TAOK1: variants seen among roughly 807,000 people sequenced by gnomAD.
TAOK1 encodes TAO kinase 1.
A neutral mutation model predicts 138.3 loss-of-function variants in TAOK1; 21 were observed. The ratio of observed to expected loss-of-function variants is 0.15; its 90% CI spans 0.11 to 0.22. TAOK1 has a LOEUF of 0.22. TAOK1 is among the 10% of genes least tolerant of loss of function. The pLI is 1.00. For missense variants in TAOK1, 651 were observed against 1,227.7 expected (o/e 0.53, Z 7.02); for synonymous variants, 361 against 398.4 (o/e 0.91, Z 1.12).
chr17:29,480,324 T>C (rs376345627), intron 6 of TAOK1, 44 bp from the exon 7 acceptor site: 53 of 1,386,972 alleles, frequency 3.8e-5, no homozygotes, highest in Non-Finnish European at 4.9e-5. Flanking sequence ...AAACATAATC[T>C]ATTGAGGGAA....
chr17:29,393,647 C>G (rs1004691592), intron 1 of TAOK1, among the ~76,000 whole-genome samples: 1 of 152,204 alleles, frequency 6.6e-6, no homozygotes, highest in African/African-American at 2.4e-5. Flanking sequence ...ACAACTGGCT[C>G]TTTCACTGGA....
intron 1 of TAOK1, among the ~76,000 whole-genome samples, chr17:29,407,024 C>CT (rs1007284054): frequency 9.9e-5 from 15 of 152,112 alleles, no homozygotes; most frequent in Non-Finnish European, 1.6e-4. Flanking sequence ...ACAGTTCTTT[C>CT]TTTTTTTAGA....
chr17:29,514,954 G>C (rs1385453071), intron 15 of TAOK1: 1 of 144,772 alleles, frequency 6.9e-6, no homozygotes, highest in African/African-American at 2.6e-5. Context: ...AGCTGAATTC[G>C]TGCCAGTGCA....
At chr17:29,480,546 A>G in intron 7 of TAOK1, 65 bp downstream of exon 7, 2 of 1,365,842 alleles carry the variant, frequency 1.5e-6, no homozygotes, top group East Asian at 2.4e-5. Context: ...ATGAAATACA[A>G]ATGAAGTGTA....
At chr17:29,504,761 T>C (rs2031601437) in intron 13 of TAOK1, among the ~76,000 whole-genome samples, 1 of 152,162 alleles carries the variant, frequency 6.6e-6, no homozygotes, top group Non-Finnish European at 1.5e-5. Context: ...AATAAGCAGA[T>C]GTTGTAAATC....
At chr17:29,482,418 A>G (rs2031083084) in intron 8 of TAOK1, 130 bp downstream of exon 8, 9 of 725,614 alleles carry the variant, frequency 1.2e-5, no homozygotes, top group Admixed American at 3.0e-5. Context: ...TACATTTATT[A>G]AGGTTTTCAC....
At position 29,461,751 on chromosome 17, in the gene TAOK1, T is replaced by A. The variant is rs540122652; in HGVS notation, c.133-5394T>A. Among the ~76,000 whole-genome samples, 21 of 94,552 alleles carry A rather than the reference T, an allele frequency of 2.2e-4. No homozygotes were observed. In the South Asian group the frequency reaches 8.2e-3, roughly 37 times the overall value. The allele number at this position is 94,552 out of a possible 152,430, so 62.0% of individuals were successfully genotyped here. On this transcript the variant is annotated intron_variant, in intron 2 of 19. Coordinates refer to ENST00000261716, the MANE Select transcript of TAOK1 (RefSeq NM_020791.4). ...GTGTAATGAAATGTAGAGAGCGAAA[T>A]TTTTTTTTTTTTTAATGCTGATTTA...
chr17:29,532,388 T>C (rs1171902841), intron 18 of TAOK1, among the ~76,000 whole-genome samples: 15 of 151,060 alleles, frequency 9.9e-5, no homozygotes, highest in Admixed American at 2.6e-4. Context: ...TGGGTGTTTC[T>C]CGCAGAGGGG....
intron 1 of TAOK1, among the ~76,000 whole-genome samples, chr17:29,450,700 G>T (rs7208216): frequency 7.1e-4 from 108 of 152,198 alleles, no homozygotes; most frequent in African/African-American, 2.5e-3. Context: ...TATTTTTGTA[G>T]AGGCAGGGTC....
Position 29,475,788 on chromosome 17 carries a change from C to T in TAOK1, c.306+17C>T, listed in dbSNP as rs1439858260. ...ACAGCATGGGTTGGTATTTGTTCTC[C>T]CCTTGTTGCAGTTTTAGCTGATTTT... On this transcript the variant is annotated intron_variant, in intron 4 of 19. Coordinates refer to ENST00000261716, the MANE Select transcript of TAOK1 (RefSeq NM_020791.4). The T allele has an allele frequency of 1.9e-6, 3 of 1,582,814 alleles. No homozygotes were observed. The highest frequency in any genetic ancestry group is 2.6e-6 in the Non-Finnish European group (3 of 1,153,544).
At chr17:29,542,153 A>C (rs1483909354) in intron 19 of TAOK1, among the ~76,000 whole-genome samples, 1 of 152,190 alleles carries the variant, frequency 6.6e-6, no homozygotes, top group Non-Finnish European at 1.5e-5. Context: ...CTGGGACTAC[A>C]GGCGTGAGCC....
chr17:29,532,553 G>A (rs913207945), intron 18 of TAOK1, among the ~76,000 whole-genome samples: 5 of 151,950 alleles, frequency 3.3e-5, no homozygotes, highest in Admixed American at 2.6e-4. Flanking sequence ...GACTCTTAAC[G>A]AGCATGCTGC....
intron 1 of TAOK1, among the ~76,000 whole-genome samples, chr17:29,430,723 TGA>T (rs1485901566): frequency 1.3e-5 from 2 of 152,218 alleles, no homozygotes; most frequent in Non-Finnish European, 2.9e-5. Flanking sequence ...CATCTTCCTC[TGA>T]GAGACATGAT....
chr17:29,514,531 A>G (rs1278050515), intron 15 of TAOK1: 2 of 152,012 alleles, frequency 1.3e-5, no homozygotes, highest in African/African-American at 4.8e-5. Context: ...AGCTAATTTT[A>G]TAATTTATTT....
rs9907443 is a variant in TAOK1, at chr17:29,516,674, T to G, written c.1705-779T>G. On this transcript the variant is annotated intron_variant, in intron 15 of 19. Transcript: ENST00000261716. ...GCACCACCATGTCTGGCTAATTTTG[T>G]ATTTTTGGTAGAGGCCGGGTTTCTC... Among the ~76,000 whole-genome samples, 417 of 151,646 alleles carry G rather than the reference T, an allele frequency of 2.7e-3. 1 individual carries two copies. The highest frequency in any genetic ancestry group is 9.8e-3 in the African/African-American group (404 of 41,330).
intron 8 of TAOK1, among the ~76,000 whole-genome samples, chr17:29,489,017 TC>T (rs1461486825): frequency 1.3e-5 from 2 of 152,180 alleles, no homozygotes; most frequent in African/African-American, 2.4e-5. Context: ...TATTGGGACA[TC>T]TGAATGAAAC....
chr17:29,502,665 G>A lies in TAOK1; in HGVS notation c.1280G>A (p.Arg427His), dbSNP rs762696676. ...SDPQSPPQVS[R>H]HKSHYRNREH... ...CCACAATCTCCACCCCAAGTATCTC[G>A]TCACAAATCACACTATCGTAATCGA... Residue 427 changes from arginine to histidine, a missense_variant, in exon 13 of 20, where the codon CGT becomes CAT. Arg to His is a conservative substitution (Grantham distance 29, BLOSUM62 0). This residue lies in a region of TAOK1 where 104 missense variants were observed against 151.7 expected (regional missense o/e 0.69). Transcript: ENST00000261716. 9.0e-5 allele frequency: 146 copies of A among 1,613,340 alleles called. No homozygotes were observed. The Middle Eastern group carries it at 2.3e-3, about 25-fold the overall frequency.
At chr17:29,425,561 C>T (rs1476345095) in intron 1 of TAOK1, among the ~76,000 whole-genome samples, 1 of 152,084 alleles carries the variant, frequency 6.6e-6, no homozygotes, top group African/African-American at 2.4e-5. Flanking sequence ...TGCCTGTAGT[C>T]CCAGCTACTC....
chr17:29,399,606 C>T (rs907717452), intron 1 of TAOK1, among the ~76,000 whole-genome samples: 6 of 152,174 alleles, frequency 3.9e-5, no homozygotes, highest in Non-Finnish European at 7.3e-5. Flanking sequence ...TGAGCCACTG[C>T]GCCTGGTGAT....
Sources: gnomAD v4.1 joint callset for allele counts (sites outside exome capture counted in the v4.1 genomes callset) on GRCh38, gnomAD v4.1.1 for gene constraint, gnomAD v4.1.1 regional missense constraint, MANE v1.5 for transcripts, NCBI Gene and HGNC (gene_info 2026-07-23, HGNC 2026-07-21) for gene names.